The following NFATC1 variants were observed in gnomAD, a reference collection of about 807,000 sequenced individuals.
The protein encoded by NFATC1 is nuclear factor of activated T-cells, cytoplasmic 1.
A neutral mutation model predicts 76.0 loss-of-function variants in NFATC1; 22 were observed. The ratio of observed to expected loss-of-function variants is 0.29; its 90% CI spans 0.21 to 0.41. NFATC1 has a LOEUF of 0.41. Among genes scored for constraint, NFATC1 ranks in the 10% least tolerant of loss-of-function variants. The probability of loss-of-function intolerance (pLI) is 1.00; values close to 1 mark genes in which losing one functional copy is unlikely to be tolerated. For synonymous variants in NFATC1, 704 were observed against 613.1 expected, an observed-to-expected ratio of 1.15 and a Z score of -2.19; for missense variants, 1,357 against 1,337.7, an observed-to-expected ratio of 1.01 and a Z score of -0.23.
intron 1 of NFATC1, 48 bp downstream of exon 1, chr18:79,396,399 C>A: frequency 8.8e-7 from 1 of 1,136,000 alleles, no homozygotes; most frequent in Non-Finnish European, 1.1e-6. Flanking sequence ...CCCCCCACGG[C>A]CCGGGCCGCG....
At chr18:79,423,068 G>A (rs2086155638) in intron 2 of NFATC1, among the ~76,000 whole-genome samples, 1 of 151,568 alleles carries the variant, frequency 6.6e-6, no homozygotes, top group Non-Finnish European at 1.5e-5. Flanking sequence ...GCTGTTGTGA[G>A]GCTCACGAGA....
chr18:79,499,054 G>A (rs1000667376), intron 9 of NFATC1, among the ~76,000 whole-genome samples: 1 of 152,194 alleles, frequency 6.6e-6, no homozygotes, highest in Non-Finnish European at 1.5e-5. Flanking sequence ...ACTGGTGAGA[G>A]TAATTACATA....
chr18:79,398,530 C>G (rs955984938), intron 1 of NFATC1, among the ~76,000 whole-genome samples: 2 of 152,230 alleles, frequency 1.3e-5, no homozygotes, highest in Non-Finnish European at 2.9e-5. Context: ...AAGCCCAGCA[C>G]TGGGGCGGGG....
chr18:79,444,225 T>G (rs566534161), intron 3 of NFATC1, among the ~76,000 whole-genome samples: 19 of 152,102 alleles, frequency 1.2e-4, no homozygotes, highest in Non-Finnish European at 2.4e-4. Context: ...GTGCACGCTC[T>G]GGGGGGGTGT....
At chr18:79,466,169 G>A (rs1365227147) in intron 7 of NFATC1, among the ~76,000 whole-genome samples, 1 of 152,212 alleles carries the variant, frequency 6.6e-6, no homozygotes, top group East Asian at 1.9e-4. Context: ...GAAAGAGCCT[G>A]GACCTCAAGT....
chr18:79,402,940 T>A (rs2085316470), intron 1 of NFATC1, among the ~76,000 whole-genome samples: 1 of 152,216 alleles, frequency 6.6e-6, no homozygotes, highest in Non-Finnish European at 1.5e-5. Context: ...AAGTCTGAGA[T>A]CAATTGCAAA....
intron 9 of NFATC1, among the ~76,000 whole-genome samples, chr18:79,526,270 G>A (rs1324134530): frequency 2.6e-5 from 4 of 152,398 alleles, no homozygotes; most frequent in East Asian, 1.9e-4. Flanking sequence ...CGGAGGGGCG[G>A]GAGCCCGGGC....
chr18:79,457,670 G>A (rs113167960), intron 6 of NFATC1, among the ~76,000 whole-genome samples: 107 of 152,228 alleles, frequency 7.0e-4, no homozygotes, highest in African/African-American at 2.2e-3. Flanking sequence ...ACATTTTCTT[G>A]TCCCCAGAAA....
chr18:79,442,053 G>T (rs1318786617), intron 3 of NFATC1, among the ~76,000 whole-genome samples: 2 of 152,094 alleles, frequency 1.3e-5, no homozygotes, highest in Non-Finnish European at 1.5e-5. Context: ...GGTTCGTGCC[G>T]AGCGCCATTG....
At chr18:79,510,132 C>T (rs1388657084) in intron 9 of NFATC1, among the ~76,000 whole-genome samples, 1 of 152,158 alleles carries the variant, frequency 6.6e-6, no homozygotes, top group East Asian at 1.9e-4. Context: ...ACTCATAGCC[C>T]CCCCCAAGGA....
In NFATC1 at chr18:79,396,338, G is replaced by A. The variant is rs772326647; in HGVS notation, c.114G>A (p.Lys38=). The A allele has an allele frequency of 2.9e-6, 4 of 1,391,042 alleles. No homozygotes were observed. Among genetic ancestry groups the A allele is most frequent in the Middle Eastern group, 2.3e-4 (1 of 4,384 alleles). 86.2% of individuals were successfully genotyped at this position (1,391,042 alleles called of 1,614,324 possible). A position where few individuals can be genotyped will look rare whatever the true frequency, so the allele number is the denominator to read the frequency against. Residue 38 remains lysine, a synonymous_variant, in exon 1 of 10, where the codon AAG becomes AAA. Transcript: ENST00000427363. ...CGCCGCGCGCCGGCGGCACCATGAA[G>A]TCAGCGGAGGAAGGTAAGCCCCGCG... The part of the protein sequence containing the change: ...GPAPRAGGTM[K]SAEEEHYGYA...
intron 1 of NFATC1, among the ~76,000 whole-genome samples, chr18:79,409,347 TC>T (rs2085570245): frequency 6.6e-6 from 1 of 150,726 alleles, no homozygotes; most frequent in Non-Finnish European, 1.5e-5. Context: ...CATCCATCCA[TC>T]CATCCATCAT....
chr18:79,493,638 G>A (rs911137017), intron 9 of NFATC1: 5 of 152,234 alleles, frequency 3.3e-5, no homozygotes, highest in African/African-American at 9.6e-5. Flanking sequence ...TGCTCCGGAG[G>A]ACGAGAAGCT....
intron 8 of NFATC1, among the ~76,000 whole-genome samples, chr18:79,480,420 G>T (rs1199717130): frequency 6.6e-6 from 1 of 152,036 alleles, no homozygotes; most frequent in East Asian, 1.9e-4. Context: ...ATGCATCAGT[G>T]CTGGGCCTGC....
intron 3 of NFATC1, among the ~76,000 whole-genome samples, chr18:79,447,311 TGG>T (rs2087251151): frequency 6.6e-6 from 1 of 152,242 alleles, no homozygotes; most frequent in Non-Finnish European, 1.5e-5. Flanking sequence ...CTCGCCTCGC[TGG>T]CCCTGAGTGG....
intron 9 of NFATC1, among the ~76,000 whole-genome samples, chr18:79,508,530 C>T (rs1442954323): frequency 6.6e-6 from 1 of 152,128 alleles, no homozygotes; most frequent in Non-Finnish European, 1.5e-5. Flanking sequence ...AGTCTGACTG[C>T]CCCTCAAAAA....
At chr18:79,412,271 G>T (rs1392505109) in intron 2 of NFATC1, among the ~76,000 whole-genome samples, 1 of 152,358 alleles carries the variant, frequency 6.6e-6, no homozygotes, top group African/African-American at 2.4e-5. Context: ...CCCTGAGAGT[G>T]CTTTCTGCTC....
chr18:79,413,144 A>G (rs964705247), intron 2 of NFATC1, among the ~76,000 whole-genome samples: 1 of 152,192 alleles, frequency 6.6e-6, no homozygotes, highest in African/African-American at 2.4e-5. Context: ...GACGGTGACA[A>G]AGTCGTCCAT....
At chr18:79,499,686 A>T (rs1180551187) in intron 9 of NFATC1, among the ~76,000 whole-genome samples, 1 of 152,242 alleles carries the variant, frequency 6.6e-6, no homozygotes, top group Non-Finnish European at 1.5e-5. Flanking sequence ...TAAAATGATA[A>T]AGAGATACTG....
Sources: gnomAD v4.1 joint callset for allele counts (sites outside exome capture counted in the v4.1 genomes callset) on GRCh38, gnomAD v4.1.1 for gene constraint, MANE v1.5 for transcripts, NCBI Gene and HGNC (gene_info 2026-07-23, HGNC 2026-07-21) for gene names.